The following MICAL3 variants were observed in gnomAD, a reference collection of about 807,000 sequenced individuals.
MICAL3 encodes [F-actin]-monooxygenase MICAL3.
In MICAL3, 62 loss-of-function variants were observed where a neutral mutation model predicts 207.4. That is an observed-to-expected ratio of 0.30 (90% CI 0.24 to 0.37). The LOEUF (loss-of-function observed/expected upper bound fraction) is 0.37, where lower values mean the gene tolerates loss of function less well. Among genes scored for constraint, MICAL3 ranks in the 10% least tolerant of loss-of-function variants. MICAL3 has a pLI of 1.00. For synonymous variants in MICAL3, 1,077 were observed against 1,069.3 expected (o/e 1.01, Z -0.14); for missense variants, 2,368 against 2,635.6 (o/e 0.90, Z 2.22).
chr22:17,985,143 AAG>A (rs1259748968), intron 1 of MICAL3, among the ~76,000 whole-genome samples: 2 of 152,228 alleles, frequency 1.3e-5, no homozygotes, highest in African/African-American at 4.8e-5. Flanking sequence ...TATTGCAGGA[AAG>A]AGTGTTTCAG....
At chr22:17,882,061 A>T (rs1472626123) in intron 16 of MICAL3, among the ~76,000 whole-genome samples, 1 of 152,090 alleles carries the variant, frequency 6.6e-6, no homozygotes, top group East Asian at 1.9e-4. Context: ...GGAGCCGGGG[A>T]GCAGGGAAGC....
chr22:17,994,618 T>C (rs776202474), intron 1 of MICAL3, among the ~76,000 whole-genome samples: 1 of 151,568 alleles, frequency 6.6e-6, no homozygotes, highest in Non-Finnish European at 1.5e-5. Context: ...GAGGCTGAGG[T>C]TGGGGGATGG....
At chr22:17,942,961 C>T (rs1034384384) in intron 1 of MICAL3, among the ~76,000 whole-genome samples, 3 of 152,174 alleles carry the variant, frequency 2.0e-5, no homozygotes, top group Non-Finnish European at 4.4e-5. Context: ...AGAACACAGG[C>T]GATGCTGAAC....
In MICAL3 at chr22:17,902,798, C is replaced by T; in HGVS notation, c.473-51G>A. On this transcript the variant is annotated intron_variant, in intron 3 of 31. Coordinates refer to ENST00000441493, the MANE Select transcript of MICAL3 (RefSeq NM_015241.3). The surrounding 1 kb of genome is among the most constrained non-coding windows in gnomAD (Gnocchi z 4.5). ...ATGGGAACACATGGAGAAGGGGGTA[C>T]CCATCCGTGTCGCAGCTCAGGCTCC... 4 of 1,182,100 alleles carry T rather than the reference C, an allele frequency of 3.4e-6. No homozygotes were observed. The highest frequency in any genetic ancestry group is 3.7e-6 in the Non-Finnish European group (3 of 814,128). 73.2% of individuals were successfully genotyped at this position (1,182,100 alleles called of 1,614,324 possible). A position where few individuals can be genotyped will look rare whatever the true frequency, so the allele number is the denominator to read the frequency against.
At chr22:17,981,402 T>C (rs1370511179) in intron 1 of MICAL3, among the ~76,000 whole-genome samples, 1 of 152,230 alleles carries the variant, frequency 6.6e-6, no homozygotes, top group Non-Finnish European at 1.5e-5. Context: ...GCAACTTCTC[T>C]GCTGAACTGG....
chr22:17,856,081 G>A (rs950827983), intron 19 of MICAL3, among the ~76,000 whole-genome samples: 6 of 152,220 alleles, frequency 3.9e-5, no homozygotes, highest in Non-Finnish European at 5.9e-5. Flanking sequence ...CAAAGCATCT[G>A]CTCAGGGCCT....
chr22:17,827,345 G>A (rs1030667808), intron 22 of MICAL3, among the ~76,000 whole-genome samples: 5 of 152,126 alleles, frequency 3.3e-5, no homozygotes, highest in South Asian at 2.1e-4. Context: ...AAAGAGCAGC[G>A]GTGACCAGAA....
intron 1 of MICAL3, among the ~76,000 whole-genome samples, chr22:17,940,020 A>G (rs1933735065): frequency 6.6e-6 from 1 of 151,954 alleles, no homozygotes; most frequent in African/African-American, 2.4e-5. Flanking sequence ...GTCCTGTACC[A>G]CTCCTAGGCC....
intron 1 of MICAL3, chr22:18,001,327 C>A (rs2146489774): frequency 6.6e-6 from 1 of 152,352 alleles, no homozygotes; most frequent in East Asian, 1.9e-4. Context: ...CGAGCTCGGG[C>A]GCGAGCAGGA....
At chr22:17,827,228 G>T (rs938774320) in intron 22 of MICAL3, among the ~76,000 whole-genome samples, 1 of 151,846 alleles carries the variant, frequency 6.6e-6, no homozygotes, top group Non-Finnish European at 1.5e-5. Flanking sequence ...CTCTTCCCAA[G>T]ACTTCATTTC....
chr22:18,000,994 G>A (rs1186431863), intron 1 of MICAL3: 1 of 152,110 alleles, frequency 6.6e-6, no homozygotes, highest in Non-Finnish European at 1.5e-5. Context: ...CCAGAGCCGG[G>A]CTAAGCCCCC....
intron 1 of MICAL3, among the ~76,000 whole-genome samples, chr22:17,918,983 C>T (rs1216498551): frequency 6.6e-6 from 1 of 152,068 alleles, no homozygotes; most frequent in Non-Finnish European, 1.5e-5. Flanking sequence ...CTTCCCTGGT[C>T]ACATCGTTTA....
intron 20 of MICAL3, among the ~76,000 whole-genome samples, chr22:17,832,347 C>T (rs1029953955): frequency 7.2e-5 from 11 of 152,302 alleles, no homozygotes; most frequent in Middle Eastern, 3.4e-3. Context: ...ACAGACCTCA[C>T]GCACTTCTCC....
At chr22:17,926,644 C>T (rs1932935263) in intron 1 of MICAL3, among the ~76,000 whole-genome samples, 1 of 152,326 alleles carries the variant, frequency 6.6e-6, no homozygotes, top group African/African-American at 2.4e-5. Context: ...CTGCCATCTA[C>T]CTAAGTCAGA....
In MICAL3 at chr22:17,900,750, C is replaced by T. The variant is rs1429074031; in HGVS notation, c.847+92G>A. 1.9e-5 allele frequency: 21 copies of T among 1,124,406 alleles called. No homozygotes were observed. In the East Asian group the frequency reaches 2.4e-4, roughly 13 times the overall value. The allele number at this position is 1,124,406 out of a possible 1,614,324, so 69.7% of individuals were successfully genotyped here. A position where few individuals can be genotyped will look rare whatever the true frequency, so the allele number is the denominator to read the frequency against. ...GGGGCAGACAGTGCAGGAGGGACAC[C>T]GACGGCCACTCACCCCACCAATCCC... On this transcript the variant is annotated intron_variant, in intron 6 of 31. Transcript: ENST00000441493. This position sits in a 1 kb window ranked among gnomAD's most constrained non-coding sequence, Gnocchi z 4.0.
intron 1 of MICAL3, among the ~76,000 whole-genome samples, chr22:18,006,996 ACAGGCACC>A (rs1327415419): frequency 6.6e-6 from 1 of 152,172 alleles, no homozygotes; most frequent in Non-Finnish European, 1.5e-5. Context: ...AGCTGAGATT[ACAGGCACC>A]CGCCATCATG....
At position 17,808,927 on chromosome 22, in the gene MICAL3, C is replaced by T; in HGVS notation, c.5567G>A (p.Arg1856Gln). The T allele has an allele frequency of 4.5e-6, 7 of 1,552,500 alleles. No homozygotes were observed. The highest frequency in any genetic ancestry group is 4.9e-5 in the East Asian group (2 of 41,078). The stretch of plus-strand genomic sequence containing the variant: ...CCTCTCCTCCACCTGCTGCAGCTGC[C>T]GCTGGATGATCTATGACAGACAGCA... ...KRLHRAQIIQ[R>Q]QLQQVEERQR... Residue 1856 changes from arginine to glutamine, a missense_variant, in exon 29 of 32, where the codon CGG becomes CAG. This residue lies in a region of MICAL3 where 1,770 missense variants were observed against 1,863.2 expected (regional missense o/e 0.95). Transcript: ENST00000441493.
intron 19 of MICAL3, among the ~76,000 whole-genome samples, chr22:17,858,764 A>T (rs1358937388): frequency 6.6e-6 from 1 of 152,208 alleles, no homozygotes; most frequent in Non-Finnish European, 1.5e-5. Flanking sequence ...GGGTGTTCCC[A>T]ATGGGCAGCA....
chr22:17,857,793 G>A (rs143196710), intron 19 of MICAL3, among the ~76,000 whole-genome samples: 4 of 152,324 alleles, frequency 2.6e-5, no homozygotes, highest in Admixed American at 1.3e-4. Flanking sequence ...TGCCAGCAAG[G>A]GCCTTCTGAG....
Sources: gnomAD v4.1 joint callset for allele counts (sites outside exome capture counted in the v4.1 genomes callset) on GRCh38, gnomAD v4.1.1 for gene constraint, gnomAD v4.1.1 regional missense constraint, Gnocchi (gnomAD v3.1) non-coding constraint, MANE v1.5 for transcripts, NCBI Gene and HGNC (gene_info 2026-07-23, HGNC 2026-07-21) for gene names.